The following RANBP17 variants were observed in gnomAD, a reference collection of about 807,000 sequenced individuals.
RANBP17 encodes the protein RAN binding protein 17.
In RANBP17, 158 loss-of-function variants were observed where a neutral mutation model predicts 141.2. That is an observed-to-expected ratio of 1.12 (90% confidence interval 0.98 to 1.28). RANBP17 has a LOEUF of 1.28. RANBP17 is among the 50% of genes most tolerant of loss of function. RANBP17 has a pLI of 0.00. For synonymous variants in RANBP17, 430 were observed against 450.0 expected, an observed-to-expected ratio of 0.96 and a Z score of 0.56; for missense variants, 1,438 against 1,290.7, an observed-to-expected ratio of 1.11 and a Z score of -1.75.
intron 14 of RANBP17, among the ~76,000 whole-genome samples, chr5:171,154,378 A>T (rs1397782206): frequency 6.6e-6 from 1 of 152,002 alleles, no homozygotes; most frequent in African/African-American, 2.4e-5. Context: ...CCGAGTCCAC[A>T]CCATTCTCCT....
intron 14 of RANBP17, among the ~76,000 whole-genome samples, chr5:171,140,766 A>C (rs948041803): frequency 6.6e-6 from 1 of 152,210 alleles, no homozygotes; most frequent in Admixed American, 6.5e-5. Context: ...GAGAAGGTTG[A>C]ATTAAAAAAT....
intron 22 of RANBP17, among the ~76,000 whole-genome samples, chr5:171,235,802 C>T (rs2127992516): frequency 6.6e-6 from 1 of 152,178 alleles, no homozygotes; most frequent in South Asian, 2.1e-4. Flanking sequence ...CCATGTTGCC[C>T]AGGCTGATCT....
At chr5:171,080,244 AACACACACACACACACACAC>A (rs5873252) in intron 14 of RANBP17, among the ~76,000 whole-genome samples, 1 of 147,796 alleles carries the variant, frequency 6.8e-6, no homozygotes, top group African/African-American at 2.5e-5. Context: ...ACACACACAA[AACACACACACACACACACAC>A]ACACACACAC....
intron 14 of RANBP17, among the ~76,000 whole-genome samples, chr5:170,976,812 C>T (rs1777407692): frequency 6.6e-6 from 1 of 151,976 alleles, no homozygotes; most frequent in Non-Finnish European, 1.5e-5. Flanking sequence ...TATTCACATT[C>T]AAAAGAATGA....
chr5:170,934,809 C>T (rs535339244), intron 12 of RANBP17, among the ~76,000 whole-genome samples: 1 of 152,218 alleles, frequency 6.6e-6, no homozygotes, highest in South Asian at 2.1e-4. Flanking sequence ...CAAGGAGTAT[C>T]TTTGTGGCAT....
At chr5:171,220,025 G>A (rs1187277668) in intron 21 of RANBP17, among the ~76,000 whole-genome samples, 2 of 151,944 alleles carry the variant, frequency 1.3e-5, no homozygotes, top group Non-Finnish European at 2.9e-5. Flanking sequence ...CCTCATCTTC[G>A]TGTATTTATC....
intron 16 of RANBP17, among the ~76,000 whole-genome samples, chr5:171,171,594 G>C (rs1266872580): frequency 6.6e-6 from 1 of 151,920 alleles, no homozygotes; most frequent in African/African-American, 2.4e-5. Context: ...TTTAGTTCAT[G>C]CTTTTTTGTA....
At chr5:171,251,777 G>C (rs1393287298) in intron 24 of RANBP17, 1 of 982,208 alleles carries the variant, frequency 1.0e-6, no homozygotes. Flanking sequence ...GCCCGCCCCC[G>C]CCTCTGTGAT....
chr5:170,979,894 C>CAG (rs1777641468), intron 14 of RANBP17, among the ~76,000 whole-genome samples: 1 of 152,122 alleles, frequency 6.6e-6, no homozygotes, highest in Non-Finnish European at 1.5e-5. Context: ...GGGTAACAGG[C>CAG]AGAGGTTGGA....
chr5:171,212,732 G>A (rs186009467), intron 20 of RANBP17, among the ~76,000 whole-genome samples: 3 of 152,304 alleles, frequency 2.0e-5, no homozygotes, highest in East Asian at 1.9e-4. Flanking sequence ...GGAAAACATC[G>A]GAAAGAGACT....
chr5:171,174,344 C>G (rs1259872873), intron 16 of RANBP17, among the ~76,000 whole-genome samples: 2 of 152,088 alleles, frequency 1.3e-5, no homozygotes, highest in Non-Finnish European at 2.9e-5. Context: ...GGATCTTTCC[C>G]TTCTTTGAAA....
At chr5:171,220,669 A>G (rs1469774216) in intron 21 of RANBP17, among the ~76,000 whole-genome samples, 1 of 151,778 alleles carries the variant, frequency 6.6e-6, no homozygotes, top group East Asian at 1.9e-4. Flanking sequence ...GCTGGTCTTG[A>G]ACTCCTGACC....
chr5:171,276,502 G>T (rs931198580), intron 25 of RANBP17, among the ~76,000 whole-genome samples: 4 of 152,186 alleles, frequency 2.6e-5, no homozygotes, highest in Non-Finnish European at 5.9e-5. Context: ...ATATGATGTG[G>T]TTTGGAACTT....
chr5:170,865,076 T>C (rs1183033406), intron 1 of RANBP17, among the ~76,000 whole-genome samples: 2 of 152,086 alleles, frequency 1.3e-5, no homozygotes, highest in Non-Finnish European at 2.9e-5. Flanking sequence ...TTGTTGTCGT[T>C]TGTTTTTTGA....
At chr5:171,005,395 G>C (rs1257259913) in intron 14 of RANBP17, among the ~76,000 whole-genome samples, 1 of 152,118 alleles carries the variant, frequency 6.6e-6, no homozygotes, top group Admixed American at 6.5e-5. Flanking sequence ...TCAAAACAGA[G>C]ATATAGACCA....
chr5:171,032,841 G>A (rs1048192423), intron 14 of RANBP17, among the ~76,000 whole-genome samples: 26 of 152,070 alleles, frequency 1.7e-4, no homozygotes, highest in African/African-American at 5.3e-4. Context: ...TAGAGACTGC[G>A]CATTATTGTG....
At chr5:170,899,258 A>G (rs1770411890) in intron 5 of RANBP17, among the ~76,000 whole-genome samples, 1 of 152,108 alleles carries the variant, frequency 6.6e-6, no homozygotes, top group South Asian at 2.1e-4. Context: ...TTGGATTCCT[A>G]GGTATTTTAT....
Position 170,911,112 on chromosome 5 carries a change from G to A in RANBP17, c.738G>A (p.Gln246=), listed in dbSNP as rs768837236. 1.2e-6 allele frequency: 2 copies of A among 1,611,292 alleles called. No individual in the cohort carries two copies. The highest frequency in any genetic ancestry group is 2.7e-5 in the African/African-American group (2 of 74,734). ...CTGCAGATGATCTTTGCACGGTGCA[G>A]ATTCCAACAACTTGGAGAACAAGTA... The part of the protein sequence containing the change: ...DESADDLCTV[Q]IPTTWRTIFL... Residue 246 remains glutamine, a synonymous_variant, in exon 7 of 28, where the codon CAG becomes CAA. Coordinates refer to ENST00000523189, the MANE Select transcript of RANBP17 (RefSeq NM_022897.5).
chr5:170,985,043 ACAC>A, intron 14 of RANBP17, among the ~76,000 whole-genome samples: 1 of 22,430 alleles, frequency 4.5e-5, no homozygotes, highest in South Asian at 7.1e-3. Context: ...ACACACAGGC[ACAC>A]ACAGACACAC....
Sources: allele counts gnomAD v4.1 joint callset (sites outside exome capture counted in the v4.1 genomes callset), GRCh38; gene constraint gnomAD v4.1.1; transcripts MANE v1.5; gene names NCBI Gene and HGNC (gene_info 2026-07-23, HGNC 2026-07-21).